ARAP2: variants seen among roughly 807,000 people sequenced by gnomAD.
The protein encoded by ARAP2 is ArfGAP with RhoGAP domain, ankyrin repeat and PH domain 2.
ARAP2 carries 148 observed loss-of-function variants against 194.5 expected under a neutral mutation model. The ratio of observed to expected loss-of-function variants is 0.76; its 90% confidence interval spans 0.67 to 0.87. ARAP2 has a LOEUF of 0.87. Among genes scored for constraint, ARAP2 ranks in the 40% least tolerant of loss-of-function variants. The probability of loss-of-function intolerance (pLI) is 0.00; values close to 1 mark genes in which losing one functional copy is unlikely to be tolerated. For missense variants in ARAP2, 2,128 were observed against 1,989.7 expected (o/e 1.07, Z -1.32); for synonymous variants, 695 against 683.5 (o/e 1.02, Z -0.26).
At chr4:36,192,647 T>A (rs1324774596) in intron 7 of ARAP2, among the ~76,000 whole-genome samples, 2 of 152,166 alleles carry the variant, frequency 1.3e-5, no homozygotes, top group African/African-American at 4.8e-5. Context: ...AGGCAACGAA[T>A]TGTCTTAAGA....
chr4:36,117,019 T>C (rs1721514989), intron 25 of ARAP2, 42 bp downstream of exon 25: 1 of 1,322,042 alleles, frequency 7.6e-7, no homozygotes, highest in Admixed American at 2.6e-5. Context: ...CTAACATTTG[T>C]GACTTCCAAC....
chr4:36,140,147 C>CAA (rs1727932769), intron 19 of ARAP2, among the ~76,000 whole-genome samples: 1 of 149,754 alleles, frequency 6.7e-6, no homozygotes, highest in African/African-American at 2.5e-5. Flanking sequence ...AATACACACA[C>CAA]ACACACACAC....
intron 13 of ARAP2, 84 bp from the exon 14 acceptor site, chr4:36,159,589 T>C (rs2109772815): frequency 3.3e-6 from 4 of 1,200,172 alleles, no homozygotes; most frequent in Admixed American, 3.0e-5. Flanking sequence ...GATAATTTCA[T>C]GTATGGGATA....
chr4:36,031,703 C>T (rs2109364560), intron 5 of ARAP2, among the ~76,000 whole-genome samples: 1 of 148,994 alleles, frequency 6.7e-6, no homozygotes, highest in South Asian at 2.1e-4. Context: ...GAGTCTCGCT[C>T]TGTCGCCCAG....
intron 8 of ARAP2, among the ~76,000 whole-genome samples, chr4:36,014,253 G>GA (rs1470066492): frequency 7.6e-5 from 10 of 131,002 alleles, no homozygotes; most frequent in Non-Finnish European, 1.6e-4. Flanking sequence ...AAGAAAGAAA[G>GA]AAAGAAAGAA....
intron 2 of ARAP2, among the ~76,000 whole-genome samples, chr4:36,223,702 A>C (rs76400072): frequency 6.8e-6 from 1 of 146,114 alleles, no homozygotes; most frequent in Non-Finnish European, 1.5e-5. Flanking sequence ...CCTTCTAAAA[A>C]CAGAAACCAG....
At chr4:36,040,453 A>T (rs1720657357) in intron 5 of ARAP2, among the ~76,000 whole-genome samples, 1 of 152,144 alleles carries the variant, frequency 6.6e-6, no homozygotes, top group African/African-American at 2.4e-5. Context: ...TTTTAATGAT[A>T]TTGATTCTTT....
chr4:36,157,160 T>C (rs1387349557), intron 15 of ARAP2, among the ~76,000 whole-genome samples: 1 of 152,208 alleles, frequency 6.6e-6, no homozygotes, highest in Non-Finnish European at 1.5e-5. Context: ...GAAAATCTCG[T>C]GTTTCAATCC....
intron 31 of ARAP2, among the ~76,000 whole-genome samples, chr4:36,079,015 A>C (rs1728874719): frequency 6.6e-6 from 1 of 151,932 alleles, no homozygotes; most frequent in Non-Finnish European, 1.5e-5. Flanking sequence ...CTCTACTAAA[A>C]ATACAAAAAT....
intron 30 of ARAP2, among the ~76,000 whole-genome samples, chr4:36,081,422 C>G (rs1437126485): frequency 6.6e-6 from 1 of 152,032 alleles, no homozygotes; most frequent in Non-Finnish European, 1.5e-5. Context: ...TCTGAAACAG[C>G]AAGGAATGCG....
intron 27 of ARAP2, among the ~76,000 whole-genome samples, chr4:36,097,299 T>G (rs568580154): frequency 5.9e-5 from 9 of 152,150 alleles, no homozygotes; most frequent in Non-Finnish European, 1.3e-4. Flanking sequence ...AAAAAAACTT[T>G]GAAATATGAA....
At chr4:36,083,301 T>C (rs1303310339) in intron 29 of ARAP2, 67 bp downstream of exon 29, 3 of 1,200,204 alleles carry the variant, frequency 2.5e-6, no homozygotes. Flanking sequence ...CACTGATCCC[T>C]AAATCCTTAA....
intron 6 of ARAP2, among the ~76,000 whole-genome samples, chr4:36,193,944 C>A (rs1279977296): frequency 6.6e-6 from 1 of 152,122 alleles, no homozygotes; most frequent in Non-Finnish European, 1.5e-5. Context: ...GTCACTGAAC[C>A]CATTTCTAAT....
Position 36,233,096 on chromosome 4 carries a change from T to A in ARAP2, c.-159-3451A>T, listed in dbSNP as rs1751809874. The stretch of plus-strand genomic sequence containing the variant: ...ACAGCCCTAAAATCCTCTCTGCACA[T>A]TAATGTCAACTCTGTCCTCCAATTG... On this transcript the variant is annotated intron_variant, in intron 1 of 32. Transcript: ENST00000303965. Among the ~76,000 whole-genome samples, 8 of 152,202 alleles carry A rather than the reference T, an allele frequency of 5.3e-5. No individual in the cohort carries two copies. In the South Asian group the frequency reaches 1.7e-3, roughly 32 times the overall value.
chr4:36,114,416 C>T (rs1175606987), intron 25 of ARAP2, 129 bp from the exon 26 acceptor site: 2 of 622,740 alleles, frequency 3.2e-6, no homozygotes, highest in Non-Finnish European at 5.6e-6. Flanking sequence ...TTAAAACCAG[C>T]TTCCCTAATC....
intron 28 of ARAP2, among the ~76,000 whole-genome samples, chr4:36,085,352 T>A (rs760398960): frequency 1.3e-4 from 20 of 152,182 alleles, no homozygotes; most frequent in Non-Finnish European, 2.4e-4. Context: ...ATTTAAATCT[T>A]TTGTCAATCT....
intron 1 of ARAP2, among the ~76,000 whole-genome samples, chr4:36,242,402 A>G (rs1377596532): frequency 2.6e-5 from 4 of 152,210 alleles, no homozygotes; most frequent in African/African-American, 4.8e-5. Context: ...GCATTTTTAT[A>G]GTCACTTTCA....
At chr4:36,161,412 T>C (rs1185582586) in intron 12 of ARAP2, 53 bp downstream of exon 12, 12 of 1,460,718 alleles carry the variant, frequency 8.2e-6, no homozygotes, top group Non-Finnish European at 1.1e-5. Context: ...CTCCTCCCAG[T>C]CTCTGCAAAC....
chr4:36,047,458 G>T (rs1313601613), intron 3 of ARAP2, among the ~76,000 whole-genome samples: 1 of 152,082 alleles, frequency 6.6e-6, no homozygotes, highest in African/African-American at 2.4e-5. Flanking sequence ...TAATTATCTG[G>T]TCTTTTCAAC....
Sources: allele counts gnomAD v4.1 joint callset (sites outside exome capture counted in the v4.1 genomes callset), GRCh38; gene constraint gnomAD v4.1.1; transcripts MANE v1.5; gene names NCBI Gene and HGNC (gene_info 2026-07-23, HGNC 2026-07-21).